Variants in RBFOX3 observed in about 807,000 individuals in gnomAD.
RBFOX3 encodes RNA binding fox-1 homolog 3.
Under a neutral mutation model 48.7 loss-of-function variants are expected in RBFOX3, and 17 were observed. That is an observed-to-expected ratio of 0.35 (90% CI 0.24 to 0.52). The LOEUF (loss-of-function observed/expected upper bound fraction) is 0.52, where lower values mean the gene tolerates loss of function less well. RBFOX3 is among the 20% of genes least tolerant of loss of function. RBFOX3 has a pLI of 0.94. For synonymous variants in RBFOX3, 212 were observed against 209.5 expected, an observed-to-expected ratio of 1.01 and a Z score of -0.10; for missense variants, 382 against 497.5, an observed-to-expected ratio of 0.77 and a Z score of 2.21.
chr17:79,432,936 C>T (rs1269842011), intron 2 of RBFOX3, among the ~76,000 whole-genome samples: 16 of 152,216 alleles, frequency 1.1e-4, no homozygotes, highest in African/African-American at 7.2e-5. Context: ...TTAAGTAAAA[C>T]GTTTAGAATC....
At chr17:79,495,593 G>T (rs1354799717) in intron 1 of RBFOX3, among the ~76,000 whole-genome samples, 1 of 25,762 alleles carries the variant, frequency 3.9e-5, no homozygotes, top group African/African-American at 1.4e-4. Context: ...GAAGGTGGGG[G>T]AGGGGTACAG....
chr17:79,309,283 G>T (rs571531758), intron 2 of RBFOX3, among the ~76,000 whole-genome samples: 3 of 152,226 alleles, frequency 2.0e-5, no homozygotes, highest in Admixed American at 6.5e-5. Flanking sequence ...GGTGTCACAT[G>T]ATTGGGGTCT....
At chr17:79,208,457 G>C (rs1038356241) in intron 4 of RBFOX3, 2 of 152,304 alleles carry the variant, frequency 1.3e-5, no homozygotes, top group Non-Finnish European at 2.9e-5. Flanking sequence ...GCCTTCTGCT[G>C]GGGTCTCCAA....
rs192625873 is a variant in RBFOX3 at position 79,353,974 on chromosome 17, C to T, written c.-174-46150G>A. Among the ~76,000 whole-genome samples, 376 of 152,256 alleles carry T rather than the reference C, an allele frequency of 2.5e-3. 1 individual carries two copies. The highest frequency in any genetic ancestry group is 8.6e-3 in the African/African-American group (356 of 41,548). ...TCAGGAGATCTTCCCTTTCACCACCCGACTCTTATTTTTGTTTTTAATAGC... is the reference window on the plus strand; with the variant it reads ...TCAGGAGATCTTCCCTTTCACCACCTGACTCTTATTTTTGTTTTTAATAGC... On this transcript the variant is annotated intron_variant, in intron 2 of 14. Coordinates refer to ENST00000693108, the MANE Select transcript of RBFOX3 (RefSeq NM_001350451.2).
chr17:79,409,418 C>T (rs529433441), intron 2 of RBFOX3, among the ~76,000 whole-genome samples: 1 of 152,354 alleles, frequency 6.6e-6, no homozygotes, highest in East Asian at 1.9e-4. Context: ...TTTTGAGGAA[C>T]TGCCACCCTG....
the RBFOX3 span, among the ~76,000 whole-genome samples, chr17:79,619,774 C>T: frequency 2.0e-5 from 3 of 152,106 alleles, no homozygotes; most frequent in Non-Finnish European, 2.9e-5. Context: ...CCAGGAAGCA[C>T]TCCAGGGACA....
intron 1 of RBFOX3, among the ~76,000 whole-genome samples, chr17:79,572,454 C>G (rs1320151883): frequency 6.6e-6 from 1 of 151,962 alleles, no homozygotes; most frequent in Non-Finnish European, 1.5e-5. Flanking sequence ...AAGCCGAGGC[C>G]GATCCCACCC....
chr17:79,441,199 C>T (rs2070835562), intron 2 of RBFOX3, among the ~76,000 whole-genome samples: 1 of 152,204 alleles, frequency 6.6e-6, no homozygotes, highest in South Asian at 2.1e-4. Context: ...TGGGTCCAAG[C>T]GTGAGAAGGA....
intron 4 of RBFOX3, among the ~76,000 whole-genome samples, chr17:79,186,101 A>G (rs2053339150): frequency 6.6e-6 from 1 of 152,164 alleles, no homozygotes; most frequent in African/African-American, 2.4e-5. Flanking sequence ...GCAGCCCTGC[A>G]TCTGGTCACC....
At chr17:79,510,217 T>C (rs914209665) in intron 1 of RBFOX3, among the ~76,000 whole-genome samples, 1 of 152,094 alleles carries the variant, frequency 6.6e-6, no homozygotes, top group African/African-American at 2.4e-5. Context: ...CCACCAGCCC[T>C]TCCCATCGGC....
intron 2 of RBFOX3, among the ~76,000 whole-genome samples, chr17:79,439,508 A>T (rs1207764507): frequency 1.3e-5 from 2 of 152,220 alleles, no homozygotes; most frequent in Non-Finnish European, 2.9e-5. Context: ...GATTTTGAGA[A>T]GTTTCCAGGA....
chr17:79,186,676 CTT>C (rs2053477156), intron 4 of RBFOX3, among the ~76,000 whole-genome samples: 2 of 37,184 alleles, frequency 5.4e-5, no homozygotes, highest in African/African-American at 1.4e-4. Flanking sequence ...ATATTCACTA[CTT>C]AAAAAAAAGA....
intron 1 of RBFOX3, among the ~76,000 whole-genome samples, chr17:79,603,606 G>A (rs919162931): frequency 2.0e-5 from 3 of 152,196 alleles, no homozygotes; most frequent in Admixed American, 2.0e-4. Flanking sequence ...ACATCTGCAA[G>A]TTTATCTTTT....
chr17:79,225,614 A>C (rs200673785), intron 4 of RBFOX3, among the ~76,000 whole-genome samples: 1 of 151,976 alleles, frequency 6.6e-6, no homozygotes, highest in Non-Finnish European at 1.5e-5. Context: ...GTAAGTGCTC[A>C]GCTGCTGGAT....
chr17:79,305,092 G>A (rs2075911830), intron 3 of RBFOX3, among the ~76,000 whole-genome samples: 1 of 152,208 alleles, frequency 6.6e-6, no homozygotes, highest in African/African-American at 2.4e-5. Flanking sequence ...CCGCCGCCTG[G>A]CCAGGGCAGG....
upstream of RBFOX3, among the ~76,000 whole-genome samples, chr17:79,613,355 C>G (rs1386609212): frequency 6.6e-6 from 1 of 152,252 alleles, no homozygotes; most frequent in African/African-American, 2.4e-5. Flanking sequence ...GCCTCATTAC[C>G]AGCCCCAGAG....
At chr17:79,211,077 AG>A (rs1477420993) in intron 4 of RBFOX3, among the ~76,000 whole-genome samples, 1 of 151,756 alleles carries the variant, frequency 6.6e-6, no homozygotes, top group African/African-American at 2.4e-5. Context: ...AACCCACAGC[AG>A]GAGCTCCAAA....
At position 79,326,125 on chromosome 17, in the gene RBFOX3, C is replaced by A. The variant is rs572311005; in HGVS notation, c.-174-18301G>T. Among the ~76,000 whole-genome samples the A allele has an allele frequency of 4.5e-3, 691 of 152,262 alleles. 3 individuals carry two copies. The highest frequency in any genetic ancestry group is 0.024 in the East Asian group (123 of 5,188). ...TTACATACTTCTGGGGCGGTTTCTT[C>A]CAGAGCATCACTGTCTGTGGCATTG... On this transcript the variant is annotated intron_variant, in intron 2 of 14. Transcript: ENST00000693108.
intron 2 of RBFOX3, among the ~76,000 whole-genome samples, chr17:79,434,718 A>G (rs1555730160): frequency 1.3e-5 from 2 of 152,218 alleles, no homozygotes; most frequent in Admixed American, 6.5e-5. Context: ...CATTGTACTT[A>G]GGGAAGAGAG....
Sources: allele counts gnomAD v4.1 joint callset (sites outside exome capture counted in the v4.1 genomes callset), GRCh38; gene constraint gnomAD v4.1.1; transcripts MANE v1.5; gene names NCBI Gene and HGNC (gene_info 2026-07-23, HGNC 2026-07-21).